The following TENM4 variants were observed in gnomAD, a reference collection of about 807,000 sequenced individuals.
TENM4 encodes teneurin-4.
TENM4 carries 82 observed loss-of-function variants against 243.3 expected under a neutral mutation model. The ratio of observed to expected loss-of-function variants is 0.34; its 90% CI spans 0.28 to 0.40. The LOEUF is 0.40. Ranked by LOEUF, TENM4 falls within the 10% of genes least tolerant of loss-of-function variation. TENM4 has a pLI of 1.00. For synonymous variants in TENM4, 1,412 were observed against 1,456.3 expected (o/e 0.97, Z 0.69); for missense variants, 3,138 against 3,673.3 (o/e 0.85, Z 3.77).
rs369962114 is a variant in TENM4, at chr11:78,655,717, A to C, written c.*2341T>G. ...TCCCCAGCAGGTCTTCACTGATGTC[A>C]GGCAGCCAGGATGGGACTGATCAAC... On this transcript the variant is annotated 3_prime_UTR_variant, in exon 34 of 34. Coordinates refer to ENST00000278550, the MANE Select transcript of TENM4 (RefSeq NM_001098816.3). 1 of 152,274 alleles carries C rather than the reference A, an allele frequency of 6.6e-6. No homozygotes were observed. Among genetic ancestry groups the C allele is most frequent in the Admixed American group, 6.5e-5 (1 of 15,278 alleles). The allele number at this position is 152,274 out of a possible 1,614,324, so 9.4% of individuals were successfully genotyped here.
chr11:78,848,151 C>G (rs1858446889), intron 12 of TENM4, among the ~76,000 whole-genome samples: 2 of 151,344 alleles, frequency 1.3e-5, no homozygotes, highest in Admixed American at 1.3e-4. Context: ...TTCCCTCCCT[C>G]CTTTTTTTTT....
chr11:79,198,448 G>A (rs1007431082), intron 3 of TENM4, among the ~76,000 whole-genome samples: 2 of 152,210 alleles, frequency 1.3e-5, no homozygotes, highest in Non-Finnish European at 1.5e-5. Context: ...AGTCAGCCAG[G>A]TTGGGGAGCT....
At chr11:79,149,558 A>G (rs1862460690) in intron 3 of TENM4, among the ~76,000 whole-genome samples, 1 of 151,878 alleles carries the variant, frequency 6.6e-6, no homozygotes, top group African/African-American at 2.4e-5. Flanking sequence ...TTTTTAAAAA[A>G]CATCTCATCT....
At chr11:79,124,285 C>A (rs979240904) in intron 4 of TENM4, among the ~76,000 whole-genome samples, 12 of 151,562 alleles carry the variant, frequency 7.9e-5, no homozygotes, top group Admixed American at 5.9e-4. Context: ...GAGGGTGTTG[C>A]CAAAGGAGAT....
At chr11:78,668,868 A>C in intron 32 of TENM4, 69 bp downstream of exon 32, 16 of 1,512,632 alleles carry the variant, frequency 1.1e-5, no homozygotes, top group Non-Finnish European at 1.4e-5. Flanking sequence ...TTCTCAAAGA[A>C]GACTAAGTAT....
chr11:79,418,224 C>A (rs1005226144), intron 1 of TENM4, among the ~76,000 whole-genome samples: 1 of 152,090 alleles, frequency 6.6e-6, no homozygotes, highest in Non-Finnish European at 1.5e-5. Context: ...CAATGGCTAC[C>A]CTATTGGAGG....
At chr11:79,110,918 G>A (rs1199967919) in intron 4 of TENM4, among the ~76,000 whole-genome samples, 1 of 152,158 alleles carries the variant, frequency 6.6e-6, no homozygotes, top group South Asian at 2.1e-4. Flanking sequence ...CACTAAAAGA[G>A]TATCAACAGC....
At chr11:79,142,786 C>A (rs1361057118) in intron 4 of TENM4, among the ~76,000 whole-genome samples, 1 of 151,978 alleles carries the variant, frequency 6.6e-6, no homozygotes, top group Non-Finnish European at 1.5e-5. Context: ...AAAACAGACA[C>A]ATAGACCAAT....
intron 1 of TENM4, among the ~76,000 whole-genome samples, chr11:79,340,273 T>C (rs910918541): frequency 6.6e-6 from 1 of 152,048 alleles, no homozygotes; most frequent in Non-Finnish European, 1.5e-5. Context: ...ATTACTGGAG[T>C]TGATCCTCCA....
At chr11:78,709,317 A>T (rs1307876846) in intron 26 of TENM4, among the ~76,000 whole-genome samples, 1 of 152,054 alleles carries the variant, frequency 6.6e-6, no homozygotes, top group Non-Finnish European at 1.5e-5. Flanking sequence ...ATCATTACAA[A>T]ACTACGGAAT....
chr11:79,282,512 T>G (rs187839377), intron 2 of TENM4, among the ~76,000 whole-genome samples: 190 of 152,346 alleles, frequency 1.2e-3, no homozygotes, highest in African/African-American at 4.3e-3. Context: ...GGGTGCAATC[T>G]CATACTCTTG....
At chr11:79,284,639 C>A (rs145157863) in intron 2 of TENM4, among the ~76,000 whole-genome samples, 80 of 152,272 alleles carry the variant, frequency 5.3e-4, no homozygotes, top group African/African-American at 1.9e-3. Context: ...TTAGATTAAG[C>A]TATGGTTTCT....
intron 2 of TENM4, among the ~76,000 whole-genome samples, chr11:79,243,223 G>A (rs983331250): frequency 4.6e-5 from 7 of 152,194 alleles, no homozygotes; most frequent in South Asian, 4.2e-4. Context: ...TCTGTGTTTC[G>A]GGGGTCATTT....
chr11:78,767,120 C>A (rs75575473), intron 18 of TENM4, among the ~76,000 whole-genome samples: 1 of 152,158 alleles, frequency 6.6e-6, no homozygotes, highest in African/African-American at 2.4e-5. Flanking sequence ...ACTTGAAGGG[C>A]TACAGGGATC....
intron 2 of TENM4, among the ~76,000 whole-genome samples, chr11:79,296,896 G>A (rs1856463823): frequency 6.6e-6 from 1 of 152,212 alleles, no homozygotes; most frequent in South Asian, 2.1e-4. Context: ...GGAACTCACT[G>A]ATTGGGTTGT....
chr11:79,297,277 A>G (rs12802809), intron 2 of TENM4, among the ~76,000 whole-genome samples: 3 of 152,234 alleles, frequency 2.0e-5, no homozygotes, highest in South Asian at 2.1e-4. Flanking sequence ...AAACATGTCA[A>G]CTCCACACTG....
intron 6 of TENM4, among the ~76,000 whole-genome samples, chr11:79,004,749 T>C (rs967853860): frequency 6.6e-6 from 1 of 151,550 alleles, no homozygotes. Context: ...ATAACCAACA[T>C]CAGAGCTGAA....
intron 4 of TENM4, among the ~76,000 whole-genome samples, chr11:79,085,758 G>A (rs902553929): frequency 1.6e-4 from 23 of 142,064 alleles, no homozygotes; most frequent in African/African-American, 5.7e-4. Context: ...AAACACCAAG[G>A]TTGAAAATTG....
rs762883831 is a variant in TENM4, at chr11:78,756,844, C to G, written c.2717G>C (p.Ser906Thr). Reference sequence around the variant, plus strand: ...GTTCTCCCCGGGGATTATGTGCGTGCTGTCCCTGCCCACGAGGAACTTGAT... The same window carrying G: ...GTTCTCCCCGGGGATTATGTGCGTGGTGTCCCTGCCCACGAGGAACTTGAT... ...DRIKFLVGRD[S>T]THIIPGENPF... Residue 906 changes from serine (S) to threonine (T), a missense_variant, in exon 19 of 34, where the codon AGC (serine) becomes ACC (threonine). Transcript: ENST00000278550. 6.2e-7 allele frequency: 1 copy of G among 1,613,936 alleles called. No individual in the cohort carries two copies. The highest frequency in any genetic ancestry group is 1.1e-5 in the South Asian group (1 of 91,056).
Sources: gnomAD v4.1 joint callset for allele counts (sites outside exome capture counted in the v4.1 genomes callset) on GRCh38, gnomAD v4.1.1 for gene constraint, MANE v1.5 for transcripts, NCBI Gene and HGNC (gene_info 2026-07-23, HGNC 2026-07-21) for gene names.